The following ESRRG variants were observed in gnomAD, a reference collection of about 807,000 sequenced individuals.
ESRRG encodes the protein estrogen-related receptor gamma.
Under a neutral mutation model 44.0 loss-of-function variants are expected in ESRRG, and 13 were observed. The observed-to-expected ratio is 0.30, with a 90% confidence interval of 0.19 to 0.47. ESRRG has a LOEUF of 0.47. Among genes scored for constraint, ESRRG ranks in the 20% least tolerant of loss-of-function variants. The pLI is 1.00. For missense variants in ESRRG, 395 were observed against 580.6 expected (o/e 0.68, Z 3.29); for synonymous variants, 215 against 214.6 (o/e 1.00, Z -0.02).
intron 2 of ESRRG, among the ~76,000 whole-genome samples, chr1:216,832,119 C>T (rs963283118): frequency 1.3e-4 from 20 of 152,096 alleles, no homozygotes; most frequent in African/African-American, 4.3e-4. Flanking sequence ...TATGAGCAAG[C>T]GCTACACAAT....
At chr1:216,964,381 T>C (rs1469165215) in intron 1 of ESRRG, among the ~76,000 whole-genome samples, 1 of 152,116 alleles carries the variant, frequency 6.6e-6, no homozygotes. Flanking sequence ...GACAGCAACA[T>C]CATCCACTCC....
chr1:216,745,521 C>T (rs920584123), intron 2 of ESRRG, among the ~76,000 whole-genome samples: 1 of 151,974 alleles, frequency 6.6e-6, no homozygotes, highest in Admixed American at 6.6e-5. Flanking sequence ...ACTTAAGTAA[C>T]ATTTTTCTCT....
chr1:216,806,776 T>C (rs1295756456), intron 2 of ESRRG, among the ~76,000 whole-genome samples: 1 of 152,202 alleles, frequency 6.6e-6, no homozygotes, highest in Non-Finnish European at 1.5e-5. Flanking sequence ...TTTTTGTGCA[T>C]CTTGCCAGGA....
chr1:216,525,901 A>T (rs556457878), intron 5 of ESRRG, among the ~76,000 whole-genome samples: 3 of 152,178 alleles, frequency 2.0e-5, no homozygotes, highest in African/African-American at 7.2e-5. Flanking sequence ...GGAACCAGAT[A>T]TCTAAACACT....
chr1:216,583,545 A>T (rs1183551441), intron 3 of ESRRG, among the ~76,000 whole-genome samples: 1 of 152,206 alleles, frequency 6.6e-6, no homozygotes, highest in Non-Finnish European at 1.5e-5. Context: ...CCCTCCCTCT[A>T]CAGGGGCTTC....
intron 1 of ESRRG, among the ~76,000 whole-genome samples, chr1:216,942,635 G>T (rs528679932): frequency 1.1e-4 from 17 of 152,188 alleles, no homozygotes; most frequent in African/African-American, 4.1e-4. Flanking sequence ...TCTCACTGAG[G>T]TTTTGACTTG....
intron 2 of ESRRG, among the ~76,000 whole-genome samples, chr1:216,666,081 C>A (rs1454637796): frequency 6.6e-6 from 1 of 152,146 alleles, no homozygotes; most frequent in Non-Finnish European, 1.5e-5. Context: ...CCCAGCCATA[C>A]CTCATGAGTT....
intron 1 of ESRRG, among the ~76,000 whole-genome samples, chr1:216,704,458 A>C (rs2082066213): frequency 1.3e-5 from 2 of 152,314 alleles, no homozygotes; most frequent in East Asian, 3.9e-4. Flanking sequence ...CAGAGGTTGC[A>C]GTGAGCCAAG....
chr1:216,785,976 A>G (rs2094114280), intron 2 of ESRRG, among the ~76,000 whole-genome samples: 1 of 152,108 alleles, frequency 6.6e-6, no homozygotes, highest in African/African-American at 2.4e-5. Context: ...TCGCACGCCT[A>G]GATCATAGTG....
intron 1 of ESRRG, among the ~76,000 whole-genome samples, chr1:217,073,657 T>C (rs531585446): frequency 3.1e-4 from 47 of 152,066 alleles, no homozygotes; most frequent in Non-Finnish European, 6.0e-4. Flanking sequence ...CTGAACCCTC[T>C]GATTCACAAG....
intron 6 of ESRRG, among the ~76,000 whole-genome samples, chr1:216,514,739 C>T (rs182296585): frequency 2.6e-5 from 4 of 152,226 alleles, no homozygotes; most frequent in African/African-American, 9.6e-5. Flanking sequence ...TATCAGCTTT[C>T]TTCGCATACC....
intron 1 of ESRRG, among the ~76,000 whole-genome samples, chr1:217,082,759 T>C (rs952562941): frequency 3.9e-5 from 6 of 152,126 alleles, no homozygotes; most frequent in African/African-American, 7.2e-5. Context: ...GAATAGCTTT[T>C]TTTCTATCTC....
At chr1:216,607,101 T>A (rs1558778152) in intron 3 of ESRRG, among the ~76,000 whole-genome samples, 1 of 152,196 alleles carries the variant, frequency 6.6e-6, no homozygotes, top group Admixed American at 6.5e-5. Flanking sequence ...TGTAAAGAAT[T>A]TCTACATTCA....
chr1:216,946,875 T>G (rs1443369799), intron 1 of ESRRG, among the ~76,000 whole-genome samples: 1 of 152,026 alleles, frequency 6.6e-6, no homozygotes, highest in East Asian at 1.9e-4. Flanking sequence ...AATTTTTGTA[T>G]TTTTAGTAGC....
intron 2 of ESRRG, among the ~76,000 whole-genome samples, chr1:216,670,546 G>T (rs964862694): frequency 1.2e-4 from 18 of 152,268 alleles, no homozygotes; most frequent in African/African-American, 4.1e-4. Context: ...AGCTGGAGCC[G>T]TCCCCTGCGT....
At chr1:216,615,978 C>T (rs1018995026) in intron 3 of ESRRG, among the ~76,000 whole-genome samples, 6 of 152,064 alleles carry the variant, frequency 3.9e-5, no homozygotes, top group Non-Finnish European at 5.9e-5. Flanking sequence ...GAGCACCAGG[C>T]CCAGCCAACC....
At chr1:216,821,010 C>A (rs2095274305) in intron 2 of ESRRG, among the ~76,000 whole-genome samples, 1 of 152,098 alleles carries the variant, frequency 6.6e-6, no homozygotes, top group Non-Finnish European at 1.5e-5. Flanking sequence ...GAATAAACTA[C>A]ATTACGAAGT....
intron 2 of ESRRG, among the ~76,000 whole-genome samples, chr1:216,751,067 AG>A (rs2091960926): frequency 6.6e-6 from 1 of 152,182 alleles, no homozygotes; most frequent in South Asian, 2.1e-4. Context: ...TGCTATTCAA[AG>A]AAACAGATTT....
At chr1:217,060,818 A>AGATAGATAGATAGATAGATAGATAGAT (rs141474357) in intron 1 of ESRRG, among the ~76,000 whole-genome samples, 2 of 150,016 alleles carry the variant, frequency 1.3e-5, no homozygotes, top group East Asian at 1.9e-4. Flanking sequence ...ATAGATAGAT[A>AGATAGATAGATAGATAGATAGATAGAT]GATAGATAGA....
Sources: gnomAD v4.1 joint callset for allele counts (sites outside exome capture counted in the v4.1 genomes callset) on GRCh38, gnomAD v4.1.1 for gene constraint, MANE v1.5 for transcripts, NCBI Gene and HGNC (gene_info 2026-07-23, HGNC 2026-07-21) for gene names.